The following STAU2 variants were observed in gnomAD, a reference collection of about 807,000 sequenced individuals.
STAU2 encodes staufen double-stranded RNA binding protein 2.
In STAU2, 20 loss-of-function variants were observed where a neutral mutation model predicts 65.9. The ratio of observed to expected loss-of-function variants is 0.30; its 90% confidence interval spans 0.21 to 0.44. The LOEUF is 0.44. Among genes scored for constraint, STAU2 ranks in the 20% least tolerant of loss-of-function variants. The probability of loss-of-function intolerance (pLI) is 1.00; values close to 1 mark genes in which losing one functional copy is unlikely to be tolerated. For missense variants in STAU2, 558 were observed against 683.9 expected, an observed-to-expected ratio of 0.82 and a Z score of 2.05; for synonymous variants, 232 against 233.9, an observed-to-expected ratio of 0.99 and a Z score of 0.07.
chr8:73,593,693 G>A (rs1436686505), intron 11 of STAU2, among the ~76,000 whole-genome samples: 1 of 152,130 alleles, frequency 6.6e-6, no homozygotes, highest in Non-Finnish European at 1.5e-5. Flanking sequence ...TGAAGGGCCT[G>A]AACAGAACAA....
chr8:73,650,786 T>C (rs1815799904), intron 6 of STAU2, among the ~76,000 whole-genome samples: 1 of 152,176 alleles, frequency 6.6e-6, no homozygotes, highest in Admixed American at 6.5e-5. Flanking sequence ...GAACAGAAGT[T>C]CTTACACCTA....
At chr8:73,443,456 C>T (rs1818304990) in intron 13 of STAU2, among the ~76,000 whole-genome samples, 1 of 152,174 alleles carries the variant, frequency 6.6e-6, no homozygotes, top group Non-Finnish European at 1.5e-5. Context: ...AAGGCAATAT[C>T]CTAATTTGTA....
chr8:73,745,936 C>T (rs1490901232), intron 1 of STAU2, among the ~76,000 whole-genome samples: 1 of 152,120 alleles, frequency 6.6e-6, no homozygotes, highest in Non-Finnish European at 1.5e-5. Flanking sequence ...CACCCCCAGC[C>T]CCCAAGCCAC....
intron 4 of STAU2, 69 bp from the exon 5 acceptor site, chr8:73,688,882 A>G: frequency 1.9e-6 from 3 of 1,555,888 alleles, no homozygotes; most frequent in Non-Finnish European, 2.6e-6. Flanking sequence ...GCTGTCTGAG[A>G]GAAAAATAAA....
chr8:73,527,710 A>G (rs975239273), intron 13 of STAU2: 19 of 1,536,620 alleles, frequency 1.2e-5, no homozygotes, highest in Admixed American at 7.8e-5. Flanking sequence ...GCTGGCTTCA[A>G]TGGAGCTTCC....
At position 73,744,106 on chromosome 8, in the gene STAU2, AT is replaced by A. The variant is rs562666405; in HGVS notation, c.-197+2676del. On this transcript the variant is annotated intron_variant, in intron 1 of 14. Transcript: ENST00000524300. ...TTTTCTATGATCAGCTTGGTGAAAA[AT>A]AAAAGATTTGCCTTCTTATAATTTT... Among the ~76,000 whole-genome samples, 10 of 152,254 alleles carry A rather than the reference AT, an allele frequency of 6.6e-5. No individual in the cohort carries two copies. The East Asian group carries it at 1.9e-3, about 29-fold the overall frequency.
chr8:73,653,953 T>C (rs1816102799), intron 6 of STAU2: 3 of 394,750 alleles, frequency 7.6e-6, no homozygotes, highest in South Asian at 5.6e-5. Flanking sequence ...TTTCAAACTT[T>C]GTAAAAGTTC....
chr8:73,435,702 C>T (rs1216510362), intron 13 of STAU2, among the ~76,000 whole-genome samples: 2 of 152,070 alleles, frequency 1.3e-5, no homozygotes, highest in East Asian at 1.9e-4. Flanking sequence ...TTTGAGATGT[C>T]AGTCATCTGA....
intron 6 of STAU2, among the ~76,000 whole-genome samples, chr8:73,637,477 TAAAAAAAAAAAAAAAAA>T (rs60833468): frequency 8.8e-5 from 5 of 57,088 alleles, no homozygotes; most frequent in Admixed American, 2.9e-4. Flanking sequence ...GTGCTGAAAG[TAAAAAAAAAAAAAAAAA>T]AAAAAAAAAA....
intron 6 of STAU2, among the ~76,000 whole-genome samples, chr8:73,641,469 G>A (rs1301556454): frequency 1.3e-5 from 2 of 152,176 alleles, no homozygotes; most frequent in Non-Finnish European, 2.9e-5. Flanking sequence ...TGTGAAAACT[G>A]TATTTTAATT....
At chr8:73,737,142 C>T (rs549203789) in intron 3 of STAU2, among the ~76,000 whole-genome samples, 12 of 151,990 alleles carry the variant, frequency 7.9e-5, no homozygotes, top group African/African-American at 2.7e-4. Context: ...GCTGGGATTA[C>T]AGGCGTGAGC....
At chr8:73,609,378 G>A (rs2129790944) in intron 9 of STAU2, among the ~76,000 whole-genome samples, 1 of 152,232 alleles carries the variant, frequency 6.6e-6, no homozygotes, top group Non-Finnish European at 1.5e-5. Flanking sequence ...AAAGGGCCGG[G>A]CGCGGTGGCT....
At chr8:73,635,908 C>CCACACACACA (rs756554962) in intron 6 of STAU2, among the ~76,000 whole-genome samples, 1 of 74,878 alleles carries the variant, frequency 1.3e-5, no homozygotes, top group Non-Finnish European at 2.3e-5. Context: ...GACCCCTGAA[C>CCACACACACA]CACACACACA....
At chr8:73,436,068 T>A (rs1817658636) in intron 13 of STAU2, among the ~76,000 whole-genome samples, 1 of 151,974 alleles carries the variant, frequency 6.6e-6, no homozygotes, top group Non-Finnish European at 1.5e-5. Context: ...TACTTAGGAA[T>A]TTCATTTTGG....
At chr8:73,581,290 T>C (rs1325198068) in intron 12 of STAU2, among the ~76,000 whole-genome samples, 2 of 152,222 alleles carry the variant, frequency 1.3e-5, no homozygotes, top group African/African-American at 4.8e-5. Context: ...AAAGTTTATA[T>C]TCTTTGAAAA....
intron 13 of STAU2, chr8:73,550,231 T>C (rs1807231963): frequency 1.0e-6 from 1 of 985,256 alleles, no homozygotes; most frequent in Admixed American, 6.1e-5. Context: ...AACGTGTCCA[T>C]AAAAAAGAGT....
chr8:73,632,623 C>A (rs967690997), intron 6 of STAU2, among the ~76,000 whole-genome samples: 1 of 152,068 alleles, frequency 6.6e-6, no homozygotes, highest in Non-Finnish European at 1.5e-5. Context: ...CTGAGAACTC[C>A]AAAGCAGGAG....
intron 1 of STAU2, among the ~76,000 whole-genome samples, chr8:73,745,410 G>A (rs1231594642): frequency 2.0e-5 from 3 of 152,162 alleles, no homozygotes; most frequent in East Asian, 1.9e-4. Flanking sequence ...AAGCAAGGAC[G>A]GGGAAGAAAT....
chr8:73,659,468 C>T (rs574204654), intron 6 of STAU2, among the ~76,000 whole-genome samples: 15 of 152,246 alleles, frequency 9.9e-5, no homozygotes, highest in East Asian at 3.9e-4. Flanking sequence ...ACCCGGGAGG[C>T]GGAGGTTGCA....
Sources: gnomAD v4.1 joint callset for allele counts (sites outside exome capture counted in the v4.1 genomes callset) on GRCh38, gnomAD v4.1.1 for gene constraint, MANE v1.5 for transcripts, NCBI Gene and HGNC (gene_info 2026-07-23, HGNC 2026-07-21) for gene names.